The following HEPACAM2 variants were observed in gnomAD, a reference collection of about 807,000 sequenced individuals.
The protein encoded by HEPACAM2 is mitotic kinetics regulator.
HEPACAM2 carries 49 observed loss-of-function variants against 49.6 expected under a neutral mutation model. The observed-to-expected ratio is 0.99, with a 90% CI of 0.78 to 1.25. The LOEUF (loss-of-function observed/expected upper bound fraction) is 1.25, where lower values mean the gene tolerates loss of function less well. HEPACAM2 is among the 50% of genes most tolerant of loss of function. HEPACAM2 has a pLI of 0.00. For synonymous variants in HEPACAM2, 197 were observed against 202.9 expected, an observed-to-expected ratio of 0.97 and a Z score of 0.25; for missense variants, 525 against 557.2, an observed-to-expected ratio of 0.94 and a Z score of 0.58.
intron 2 of HEPACAM2, among the ~76,000 whole-genome samples, chr7:93,215,930 G>T (rs1273546732): frequency 6.6e-6 from 1 of 152,120 alleles, no homozygotes; most frequent in East Asian, 1.9e-4. Flanking sequence ...TACTTTTCAA[G>T]GATGGTCTAA....
chr7:93,197,741 G>C (rs1307021395), intron 4 of HEPACAM2, 131 bp from the exon 5 acceptor site: 48 of 591,320 alleles, frequency 8.1e-5, no homozygotes, highest in Non-Finnish European at 1.3e-4. Context: ...GACACACAGA[G>C]AGAGAGAGAG....
intron 3 of HEPACAM2, among the ~76,000 whole-genome samples, chr7:93,210,028 T>C (rs1794140203): frequency 6.6e-6 from 1 of 151,974 alleles, no homozygotes; most frequent in Non-Finnish European, 1.5e-5. Flanking sequence ...TCCTGTAGCA[T>C]TGTACCATTT....
chr7:93,205,559 C>T (rs1794006790), intron 4 of HEPACAM2: 1 of 152,122 alleles, frequency 6.6e-6, no homozygotes, highest in Non-Finnish European at 1.5e-5. Context: ...GGAAACATCT[C>T]AAAAGCAGGT....
At chr7:93,197,313 A>G in intron 6 of HEPACAM2, 35 bp from the exon 7 acceptor site, 2 of 1,609,134 alleles carry the variant, frequency 1.2e-6, no homozygotes, top group South Asian at 2.2e-5. Flanking sequence ...TGTCAGGGAT[A>G]ATAATTGAGG....
At chr7:93,200,851 C>T (rs144481759) in intron 4 of HEPACAM2, among the ~76,000 whole-genome samples, 183 of 152,246 alleles carry the variant, frequency 1.2e-3, no homozygotes, top group Non-Finnish European at 2.1e-3. Context: ...TTCAGGCTTG[C>T]AGGTGGCTAG....
At chr7:93,192,119 G>C (rs1793565007) in intron 9 of HEPACAM2, 135 bp downstream of exon 9, 3 of 567,368 alleles carry the variant, frequency 5.3e-6, no homozygotes, top group Admixed American at 6.8e-5. Flanking sequence ...AGGTGGGGAA[G>C]TGTGTTCAAA....
intron 3 of HEPACAM2, 48 bp downstream of exon 3, chr7:93,215,353 C>T (rs1794274674): frequency 6.5e-7 from 1 of 1,548,258 alleles, no homozygotes; most frequent in Non-Finnish European, 8.8e-7. Flanking sequence ...GAGATATTCT[C>T]AGAAAACAAC....
chr7:93,199,148 C>T (rs985963055), intron 4 of HEPACAM2, among the ~76,000 whole-genome samples: 5 of 152,004 alleles, frequency 3.3e-5, no homozygotes, highest in East Asian at 1.9e-4. Flanking sequence ...TTCTGACATG[C>T]GTTCAGAGAA....
upstream of HEPACAM2, among the ~76,000 whole-genome samples, chr7:93,228,204 G>A (rs533110006): frequency 6.6e-6 from 1 of 152,148 alleles, no homozygotes; most frequent in South Asian, 2.1e-4. Flanking sequence ...TTTTTCCCTA[G>A]TGTTAAATAT....
chr7:93,188,791 A>G lies in HEPACAM2; in HGVS notation c.*476T>C, dbSNP rs980621738. The G allele has an allele frequency of 4.5e-5, 17 of 380,698 alleles. No individual in the cohort carries two copies. Among genetic ancestry groups the G allele is most frequent in the African/African-American group, 3.5e-4 (17 of 48,196 alleles). 23.6% of individuals were successfully genotyped at this position (380,698 alleles called of 1,614,324 possible). ...CAAATAACAAGATAGAAATTTGGAA[A>G]TAAAATTGAAACATAAATTTAGCAT... On this transcript the variant is annotated 3_prime_UTR_variant, in exon 10 of 10. Transcript: ENST00000394468.
chr7:93,192,384 A>G (rs1444733193), intron 8 of HEPACAM2, 21 bp from the exon 9 acceptor site: 3 of 1,555,184 alleles, frequency 1.9e-6, no homozygotes, highest in Non-Finnish European at 2.7e-6. Context: ...TGATACATTA[A>G]AAATAAATTA....
intron 4 of HEPACAM2, among the ~76,000 whole-genome samples, chr7:93,207,367 A>G (rs1794055679): frequency 6.6e-6 from 1 of 152,018 alleles, no homozygotes; most frequent in Non-Finnish European, 1.5e-5. Context: ...GTGGCATTTG[A>G]CTTGTGTGCA....
chr7:93,211,896 G>A (rs896639971), intron 3 of HEPACAM2, among the ~76,000 whole-genome samples: 3 of 152,030 alleles, frequency 2.0e-5, no homozygotes, highest in Admixed American at 6.6e-5. Context: ...TTAGGTCTTC[G>A]TCTTCCCCCT....
At chr7:93,195,059 A>T (rs1793655531) in intron 8 of HEPACAM2, among the ~76,000 whole-genome samples, 1 of 151,488 alleles carries the variant, frequency 6.6e-6, no homozygotes, top group South Asian at 2.1e-4. Context: ...CTTCTGAAGC[A>T]TGAGGTATCT....
intron 4 of HEPACAM2, among the ~76,000 whole-genome samples, chr7:93,205,290 G>C (rs1384909747): frequency 1.3e-5 from 2 of 152,064 alleles, no homozygotes; most frequent in African/African-American, 4.8e-5. Flanking sequence ...CTTAGAAAGA[G>C]AAAAACACAG....
chr7:93,192,514 C>T (rs1793580380), intron 8 of HEPACAM2, 151 bp from the exon 9 acceptor site: 4 of 619,878 alleles, frequency 6.5e-6, no homozygotes, highest in Non-Finnish European at 5.7e-6. Context: ...CTCCTTGCTA[C>T]ACTTTTCTGC....
Position 93,215,234 on chromosome 7 carries a change from A to G in HEPACAM2, c.715+167T>C, listed in dbSNP as rs367887240. Among the ~76,000 whole-genome samples the G allele has an allele frequency of 7.2e-5, 11 of 152,284 alleles. No homozygotes were observed. The East Asian group carries it at 1.9e-3, about 27-fold the overall frequency. On this transcript the variant is annotated intron_variant, in intron 3 of 9. Transcript: ENST00000394468. ...AAGAAATAGGATTGTGCTAGCAGAC[A>G]TATTTCATACAAGACAGTGCCTAGG...
intron 7 of HEPACAM2, 31 bp from the exon 8 acceptor site, chr7:93,195,932 C>A: frequency 6.7e-7 from 1 of 1,490,504 alleles, no homozygotes; most frequent in South Asian, 1.1e-5. Flanking sequence ...TGCTTACAAA[C>A]CGAATGCCTT....
rs1793763217 is a variant in HEPACAM2 at position 93,197,521 on chromosome 7, GAC to G, written c.1100_1101del (p.Cys367SerfsTer36). 1.9e-6 allele frequency: 3 copies of G among 1,593,034 alleles called. No individual in the cohort carries two copies. The highest frequency in any genetic ancestry group is 1.4e-5 in the African/African-American group (1 of 73,982). On this transcript the variant is annotated frameshift_variant, in exon 5 of 10. Transcript: ENST00000394468. LOFTEE classifies it high-confidence loss of function. ...GISLFLIISM[C>X]LLFLWKKYQP... ...TGATATTTTTTCCATAGGAAGAGAA[GAC>G]ACATGGATATAATCAAAAATAGTGA...
Sources: allele counts gnomAD v4.1 joint callset (sites outside exome capture counted in the v4.1 genomes callset), GRCh38; gene constraint gnomAD v4.1.1; transcripts MANE v1.5; gene names NCBI Gene and HGNC (gene_info 2026-07-23, HGNC 2026-07-21).